AP4E1: variants seen among roughly 807,000 people sequenced by gnomAD.
AP4E1 encodes AP-4 complex subunit epsilon-1.
In AP4E1, 56 loss-of-function variants were observed where a neutral mutation model predicts 128.2. That is an observed-to-expected ratio of 0.44 (90% CI 0.35 to 0.55). The LOEUF is 0.55. Among genes scored for constraint, AP4E1 ranks in the 20% least tolerant of loss-of-function variants. The pLI is 0.00. For missense variants in AP4E1, 1,324 were observed against 1,307.7 expected, an observed-to-expected ratio of 1.01 and a Z score of -0.19; for synonymous variants, 484 against 473.1, an observed-to-expected ratio of 1.02 and a Z score of -0.30.
intron 14 of AP4E1, among the ~76,000 whole-genome samples, chr15:50,961,488 G>A (rs1027242048): frequency 4.0e-5 from 6 of 151,708 alleles, no homozygotes; most frequent in South Asian, 2.1e-4. Context: ...TCACATTAAC[G>A]GAATAAAGGA....
chr15:50,947,878 A>G (rs1362498540), intron 10 of AP4E1, 142 bp from the exon 11 acceptor site: 5 of 667,758 alleles, frequency 7.5e-6, no homozygotes, highest in Admixed American at 6.0e-5. Context: ...TGAAATTTGC[A>G]TTTCTTACCT....
At position 50,950,299 on chromosome 15, in the gene AP4E1, A is replaced by G. The variant is rs1049804145; in HGVS notation, c.1548+130A>G. On this transcript the variant is annotated intron_variant, in intron 13 of 20. Coordinates refer to ENST00000261842, the MANE Select transcript of AP4E1 (RefSeq NM_007347.5). ...TCAGCTGTCAATTTTTCAAATGGCC[A>G]CCATCTATCACTTAACTATTTACTT... 12 of 625,710 alleles carry G rather than the reference A, an allele frequency of 1.9e-5. No individual in the cohort carries two copies. In the South Asian group the frequency reaches 2.4e-4, roughly 13 times the overall value. The allele number at this position is 625,710 out of a possible 1,614,324, so 38.8% of individuals were successfully genotyped here.
chr15:50,969,466 A>G (rs1381611990), intron 15 of AP4E1, among the ~76,000 whole-genome samples: 1 of 151,930 alleles, frequency 6.6e-6, no homozygotes, highest in Non-Finnish European at 1.5e-5. Flanking sequence ...CCTGGTTACT[A>G]TGGACTAGTG....
intron 14 of AP4E1, among the ~76,000 whole-genome samples, chr15:50,966,209 G>A (rs891418064): frequency 2.0e-5 from 3 of 151,962 alleles, no homozygotes; most frequent in Admixed American, 2.0e-4. Context: ...GTGAGCCACC[G>A]CACCTGGTCT....
intron 4 of AP4E1, among the ~76,000 whole-genome samples, chr15:50,924,464 C>CAA (rs1333485369): frequency 2.0e-5 from 3 of 152,070 alleles, no homozygotes; most frequent in African/African-American, 7.2e-5. Context: ...AATCCTCACT[C>CAA]ACAATATTTT....
intron 13 of AP4E1, among the ~76,000 whole-genome samples, chr15:50,951,873 C>T (rs903108108): frequency 2.0e-5 from 3 of 151,786 alleles, no homozygotes; most frequent in Non-Finnish European, 2.9e-5. Context: ...ATTACAGGCA[C>T]ACGCCACTGC....
At chr15:50,967,479 A>G (rs993263622) in intron 14 of AP4E1, among the ~76,000 whole-genome samples, 2 of 152,232 alleles carry the variant, frequency 1.3e-5, no homozygotes, top group East Asian at 3.8e-4. Context: ...TGAAAGAAAC[A>G]AGAAACAGAT....
Position 50,997,719 on chromosome 15 carries a change from A to T in AP4E1, c.2740A>T (p.Ile914Leu). The T allele has an allele frequency of 6.2e-7, 1 of 1,614,030 alleles. No homozygotes were observed. The highest frequency in any genetic ancestry group is 8.5e-7 in the Non-Finnish European group (1 of 1,179,986). Residue 914 changes from isoleucine to leucine, a missense_variant, in exon 18 of 21, where the codon ATA (isoleucine) becomes TTA (leucine). Physicochemically the swap from Ile to Leu is conservative, Grantham distance 5. Coordinates refer to ENST00000261842, the MANE Select transcript of AP4E1 (RefSeq NM_007347.5). The stretch of plus-strand genomic sequence containing the variant: ...TTTTTTGGAAGAAACTACTGAATAC[A>T]TACACTCAAATGCTATGGAAGTCTG... ...SSFLEETTEY[I>L]HSNAMEVCNN...
intron 15 of AP4E1, among the ~76,000 whole-genome samples, chr15:50,976,669 T>C (rs1376352065): frequency 1.3e-5 from 2 of 152,238 alleles, no homozygotes; most frequent in African/African-American, 2.4e-5. Flanking sequence ...AAGCGAATTC[T>C]GGAAAGTTGT....
chr15:50,915,563 A>G lies in AP4E1; in HGVS notation c.338A>G (p.Lys113Arg). 6.2e-7 allele frequency: 1 copy of G among 1,613,598 alleles called. No homozygotes were observed. ...KLAQQGNLLEKRVGYLAVSLF... is the reference protein window; with the variant it reads ...KLAQQGNLLERRVGYLAVSLF... The stretch of plus-strand genomic sequence containing the variant: ...GCCCAACAAGGAAACCTCTTAGAAA[A>G]AAGAGTAGGTATGTATGTGTTTTAA... Residue 113 changes from lysine (K) to arginine (R), a missense_variant, in exon 3 of 21, where the codon AAA (lysine) becomes AGA (arginine). Coordinates refer to ENST00000261842, the MANE Select transcript of AP4E1 (RefSeq NM_007347.5).
intron 19 of AP4E1, among the ~76,000 whole-genome samples, chr15:51,000,469 TAAC>T (rs1370006604): frequency 6.6e-6 from 1 of 152,174 alleles, no homozygotes; most frequent in African/African-American, 2.4e-5. Flanking sequence ...CTTTTAGTAA[TAAC>T]ATAACTGTCA....
chr15:50,935,478 C>A (rs993296558), intron 8 of AP4E1, among the ~76,000 whole-genome samples: 5 of 152,008 alleles, frequency 3.3e-5, no homozygotes, highest in Non-Finnish European at 4.4e-5. Flanking sequence ...ATTTTAACAG[C>A]CAACGGGAGG....
chr15:50,990,039 G>A (rs1018484019), intron 16 of AP4E1, among the ~76,000 whole-genome samples: 1 of 152,002 alleles, frequency 6.6e-6, no homozygotes, highest in African/African-American at 2.4e-5. Context: ...TTTCTTAACT[G>A]GCAGCACCCT....
chr15:50,979,566 C>T (rs889776490), intron 15 of AP4E1, among the ~76,000 whole-genome samples: 1 of 152,084 alleles, frequency 6.6e-6, no homozygotes, highest in African/African-American at 2.4e-5. Flanking sequence ...ACTCTGTCAC[C>T]CAGGCTAGAG....
At chr15:50,945,028 C>A (rs1225706759) in intron 10 of AP4E1, 3 of 774,518 alleles carry the variant, frequency 3.9e-6, no homozygotes, top group Non-Finnish European at 4.8e-6. Flanking sequence ...TGTGGGACTT[C>A]TTTTTTCACC....
intron 11 of AP4E1, among the ~76,000 whole-genome samples, chr15:50,948,699 A>T (rs1310932531): frequency 6.6e-6 from 1 of 152,208 alleles, no homozygotes; most frequent in Non-Finnish European, 1.5e-5. Flanking sequence ...TAGGCCGGGC[A>T]CAGTGGCTCA....
intron 15 of AP4E1, among the ~76,000 whole-genome samples, chr15:50,969,866 A>C (rs998490975): frequency 6.6e-6 from 1 of 152,046 alleles, no homozygotes; most frequent in Middle Eastern, 3.4e-3. Context: ...TCACCATGTT[A>C]GCCAGGATGG....
chr15:50,988,321 A>G (rs1480093810), intron 16 of AP4E1, among the ~76,000 whole-genome samples: 4 of 152,018 alleles, frequency 2.6e-5, no homozygotes, highest in Admixed American at 2.6e-4. Context: ...TTTTATTGTT[A>G]TTATTTTTTT....
At chr15:50,961,211 A>C (rs972480589) in intron 14 of AP4E1, among the ~76,000 whole-genome samples, 1 of 152,106 alleles carries the variant, frequency 6.6e-6, no homozygotes, top group African/African-American at 2.4e-5. Context: ...TTCTTAAACT[A>C]GTCCAAAAAA....
Sources: gnomAD v4.1 joint callset for allele counts (sites outside exome capture counted in the v4.1 genomes callset) on GRCh38, gnomAD v4.1.1 for gene constraint, MANE v1.5 for transcripts, NCBI Gene and HGNC (gene_info 2026-07-23, HGNC 2026-07-21) for gene names.